Variants in PPARG observed in about 807,000 individuals in gnomAD.
The protein encoded by PPARG is peroxisome proliferator-activated receptor gamma.
In PPARG, 17 loss-of-function variants were observed where a neutral mutation model predicts 39.2. The ratio of observed to expected loss-of-function variants is 0.43; its 90% CI spans 0.30 to 0.65. The LOEUF is 0.65. Among genes scored for constraint, PPARG ranks in the 30% least tolerant of loss-of-function variants. PPARG has a pLI of 0.13. For synonymous variants in PPARG, 223 were observed against 215.7 expected (o/e 1.03, Z -0.30); for missense variants, 406 against 585.9 (o/e 0.69, Z 3.17).
At chr3:12,312,643 AAAGGT>A (rs2047279500) in intron 2 of PPARG, among the ~76,000 whole-genome samples, 190 bp downstream of exon 2, 3 of 152,358 alleles carry the variant, frequency 2.0e-5, no homozygotes, top group African/African-American at 7.2e-5. Context: ...AACACAAAAC[AAAGGT>A]AAGATAGGAA....
chr3:12,305,813 A>G (rs1050428458), intron 1 of PPARG: 1 of 152,222 alleles, frequency 6.6e-6, no homozygotes, highest in Non-Finnish European at 1.5e-5. Context: ...ATACAATTTC[A>G]TGCTTAGAGA....
chr3:12,307,271 C>T (rs1471618682), intron 1 of PPARG, among the ~76,000 whole-genome samples: 4 of 151,492 alleles, frequency 2.6e-5, no homozygotes, highest in Non-Finnish European at 5.9e-5. Context: ...GGAATGTAAA[C>T]GGCTCATCTT....
chr3:12,326,732 T>A (rs1480629066), intron 2 of PPARG, among the ~76,000 whole-genome samples: 3 of 148,392 alleles, frequency 2.0e-5, no homozygotes, highest in African/African-American at 2.5e-5. Context: ...GTGAGATATA[T>A]AAAAAAAAAA....
intron 5 of PPARG, among the ~76,000 whole-genome samples, chr3:12,394,761 A>T (rs2050198393): frequency 6.6e-6 from 1 of 152,350 alleles, no homozygotes; most frequent in South Asian, 2.1e-4. Flanking sequence ...TGTTAGCTGT[A>T]TGAAGAAAAC....
chr3:12,385,684 A>G (rs1406186003), intron 4 of PPARG, among the ~76,000 whole-genome samples: 1 of 152,152 alleles, frequency 6.6e-6, no homozygotes, highest in Non-Finnish European at 1.5e-5. Context: ...GTATTTCTGT[A>G]TACAAAAGAA....
intron 2 of PPARG, among the ~76,000 whole-genome samples, chr3:12,341,124 A>T (rs2048170731): frequency 6.6e-6 from 1 of 151,758 alleles, no homozygotes; most frequent in Non-Finnish European, 1.5e-5. Context: ...TGGAGGTTGC[A>T]GTGAGCTGAG....
intron 2 of PPARG, among the ~76,000 whole-genome samples, chr3:12,365,938 A>G (rs577149197): frequency 6.6e-6 from 1 of 152,236 alleles, no homozygotes; most frequent in Non-Finnish European, 1.5e-5. Context: ...TATCCACAAA[A>G]TAACTTGCTG....
Position 12,381,432 on chromosome 3 carries a change from G to A in PPARG, c.331G>A (p.Val111Ile), listed in dbSNP as rs762777341. Residue 111 changes from valine (V) to isoleucine (I), a missense_variant, in exon 4 of 8, where the codon GTC (valine) becomes ATC (isoleucine). By Grantham distance (29) the Val-to-Ile change is conservative. Coordinates refer to ENST00000651735, the MANE Select transcript of PPARG (RefSeq NM_138711.6). ...SNSLMAIECR[V>I]CGDKASGFHY... ...CTCCCTCATGGCAATTGAATGTCGT[G>A]TCTGTGGAGATAAAGCTTCTGGATT... is the stretch of plus-strand genomic sequence containing the variant. 6.2e-6 allele frequency: 10 copies of A among 1,613,530 alleles called. No individual in the cohort carries two copies. In the Middle Eastern group the frequency reaches 4.9e-4, roughly 80 times the overall value.
At chr3:12,334,001 C>T (rs1172201781) in intron 2 of PPARG, among the ~76,000 whole-genome samples, 1 of 152,062 alleles carries the variant, frequency 6.6e-6, no homozygotes, top group East Asian at 1.9e-4. Flanking sequence ...TGCTTTGTGA[C>T]AGTTCTTCTA....
At chr3:12,431,516 A>T (rs150563574) in intron 7 of PPARG, among the ~76,000 whole-genome samples, 36 of 152,342 alleles carry the variant, frequency 2.4e-4, no homozygotes, top group Admixed American at 4.6e-4. Flanking sequence ...TCAATAAATT[A>T]AAAACAAAAC....
intron 6 of PPARG, 47 bp downstream of exon 6, chr3:12,406,128 T>C (rs769946126): frequency 5.7e-6 from 9 of 1,580,398 alleles, no homozygotes; most frequent in South Asian, 2.3e-5. Context: ...GGAAGTTGTT[T>C]TGGGTTTTTG....
chr3:12,322,263 C>G (rs1359833780), intron 2 of PPARG, among the ~76,000 whole-genome samples: 1 of 152,222 alleles, frequency 6.6e-6, no homozygotes, highest in Non-Finnish European at 1.5e-5. Context: ...GCTTCTAAGT[C>G]ACATGAAAGA....
chr3:12,385,088 A>T (rs569958693), intron 4 of PPARG, among the ~76,000 whole-genome samples: 1 of 152,320 alleles, frequency 6.6e-6, no homozygotes, highest in South Asian at 2.1e-4. Context: ...ACATCTCCTT[A>T]GCTTATAACC....
chr3:12,397,029 T>G (rs968033598), intron 5 of PPARG, among the ~76,000 whole-genome samples: 21 of 152,254 alleles, frequency 1.4e-4, no homozygotes, highest in Middle Eastern at 3.4e-3. Context: ...AGAATTGACA[T>G]GTTATTTATG....
Position 12,416,772 on chromosome 3 carries a change from C to T in PPARG, c.798C>T (p.Thr266=). 1 of 1,614,070 alleles carries T rather than the reference C, an allele frequency of 6.2e-7. No homozygotes were observed. Among genetic ancestry groups the T allele is most frequent in the Non-Finnish European group, 8.5e-7 (1 of 1,179,984 alleles). ...GEDKIKFKHI[T]PLQEQSKEVA... is the part of the protein sequence containing the mutation. ...ATAAAATCAAGTTCAAACACATCAC[C>T]CCCCTGCAGGAGCAGAGCAAAGAGG... Residue 266 remains threonine, a synonymous_variant, in exon 7 of 8, where the codon ACC becomes ACT. Coordinates refer to ENST00000651735, the MANE Select transcript of PPARG (RefSeq NM_138711.6).
intron 1 of PPARG, among the ~76,000 whole-genome samples, chr3:12,300,711 T>C (rs937084593): frequency 1.3e-5 from 2 of 152,216 alleles, no homozygotes; most frequent in African/African-American, 4.8e-5. Context: ...ATATATTCCA[T>C]GTTCTGTGTT....
chr3:12,294,608 C>T (rs2046730819), intron 1 of PPARG, among the ~76,000 whole-genome samples: 1 of 152,112 alleles, frequency 6.6e-6, no homozygotes. Flanking sequence ...AAATATCATA[C>T]ATGCGGCCAG....
Position 12,416,887 on chromosome 3 carries a change from G to A in PPARG, c.913G>A (p.Val305Ile), listed in dbSNP as rs139894525. The change falls in exon 7 of 8, where the codon GTA becomes ATA. Residue 305 changes from valine (V) to isoleucine (I), a missense_variant. Val to Ile is a conservative substitution (Grantham distance 29). This residue lies in a region of PPARG where 275 missense variants were observed against 458.0 expected (regional missense o/e 0.60). Transcript: ENST00000651735. ...TEYAKSIPGF[V>I]NLDLNDQVTL... ...GTATGCCAAAAGCATTCCTGGTTTT[G>A]TAAATCTTGACTTGAACGACCAAGT... 1 of 1,614,118 alleles carries A rather than the reference G, an allele frequency of 6.2e-7. No individual in the cohort carries two copies. Among genetic ancestry groups the A allele is most frequent in the Non-Finnish European group, 8.5e-7 (1 of 1,180,012 alleles).
chr3:12,372,447 G>C (rs1474171416), intron 2 of PPARG, among the ~76,000 whole-genome samples: 1 of 152,138 alleles, frequency 6.6e-6, no homozygotes, highest in Non-Finnish European at 1.5e-5. Flanking sequence ...CATCTTTAAA[G>C]TAAATTATAA....
Sources: gnomAD v4.1 joint callset for allele counts (sites outside exome capture counted in the v4.1 genomes callset) on GRCh38, gnomAD v4.1.1 for gene constraint, gnomAD v4.1.1 regional missense constraint, MANE v1.5 for transcripts, NCBI Gene and HGNC (gene_info 2026-07-23, HGNC 2026-07-21) for gene names.